The following GPC5 variants were observed in gnomAD, a reference collection of about 807,000 sequenced individuals.
GPC5 encodes glypican-5.
In GPC5, 47 loss-of-function variants were observed where a neutral mutation model predicts 53.9. The observed-to-expected ratio is 0.87, with a 90% CI of 0.69 to 1.11. GPC5 has a LOEUF of 1.11. GPC5 is among the 50% of genes most tolerant of loss of function. The pLI, the probability that GPC5 is intolerant of heterozygous loss-of-function variation, is 0.00. For missense variants in GPC5, 748 were observed against 713.1 expected (o/e 1.05, Z -0.56); for synonymous variants, 286 against 263.3 (o/e 1.09, Z -0.84).
At chr13:92,166,876 G>A (rs184345452) in intron 7 of GPC5, among the ~76,000 whole-genome samples, 4 of 150,576 alleles carry the variant, frequency 2.7e-5, no homozygotes, top group African/African-American at 9.8e-5. Context: ...GTTCTGTTGG[G>A]AATATTGCAG....
At chr13:92,570,303 A>G (rs1354472906) in intron 7 of GPC5, among the ~76,000 whole-genome samples, 7 of 152,174 alleles carry the variant, frequency 4.6e-5, no homozygotes, top group Non-Finnish European at 1.0e-4. Context: ...AACTGAAAAG[A>G]AAAAATTCAT....
chr13:92,509,270 C>T (rs1275104923), intron 7 of GPC5, among the ~76,000 whole-genome samples: 3 of 152,110 alleles, frequency 2.0e-5, no homozygotes, highest in Admixed American at 6.6e-5. Context: ...TCTGTCTGCT[C>T]TAAGGGGAAT....
chr13:91,673,643 C>T (rs563727370), intron 2 of GPC5, among the ~76,000 whole-genome samples: 6 of 152,106 alleles, frequency 3.9e-5, no homozygotes, highest in Non-Finnish European at 8.8e-5. Context: ...CACAGAGAAG[C>T]GTGCCCATTA....
chr13:91,959,778 C>T lies in GPC5; in HGVS notation c.1401+51721C>T, dbSNP rs116675260. Among the ~76,000 whole-genome samples the T allele has an allele frequency of 4.5e-3, 687 of 151,988 alleles. 8 individuals carry two copies. The highest frequency in any genetic ancestry group is 0.015 in the African/African-American group (641 of 41,486). ...AGATATCATGATTGAGTGGGATTTT[C>T]CCAGGGATGCAAGGATGGTTCAACA... On this transcript the variant is annotated intron_variant, in intron 6 of 7. Coordinates refer to ENST00000377067, the MANE Select transcript of GPC5 (RefSeq NM_004466.6).
intron 6 of GPC5, among the ~76,000 whole-genome samples, chr13:91,930,582 G>A (rs182332097): frequency 2.0e-4 from 30 of 151,214 alleles, no homozygotes; most frequent in African/African-American, 6.5e-4. Flanking sequence ...AGCCTTTTTT[G>A]TCCTACAAAA....
intron 7 of GPC5, among the ~76,000 whole-genome samples, chr13:92,614,957 G>C (rs1279922489): frequency 6.6e-6 from 1 of 152,146 alleles, no homozygotes; most frequent in East Asian, 1.9e-4. Context: ...TGAAACTTTT[G>C]TATAAGTTCC....
At chr13:92,370,662 G>A (rs2043642793) in intron 7 of GPC5, among the ~76,000 whole-genome samples, 1 of 151,996 alleles carries the variant, frequency 6.6e-6, no homozygotes, top group Non-Finnish European at 1.5e-5. Context: ...CTAGGGATTT[G>A]TTTAGATGTT....
Position 91,557,972 on chromosome 13 carries a change from C to G in GPC5, c.325+109050C>G, listed in dbSNP as rs548563845. On this transcript the variant is annotated intron_variant, in intron 2 of 7. Coordinates refer to ENST00000377067, the MANE Select transcript of GPC5 (RefSeq NM_004466.6). ...ATTGAGACAAGCTAAGTTTATTAAG[C>G]CTTTTGCAATAAGGAAAAACTCTGT... Among the ~76,000 whole-genome samples, 7 of 152,180 alleles carry G rather than the reference C, an allele frequency of 4.6e-5. No individual in the cohort carries two copies. In the East Asian group the frequency reaches 1.4e-3, roughly 29 times the overall value.
chr13:92,130,339 GAAA>G (rs57555250), intron 6 of GPC5, among the ~76,000 whole-genome samples: 759 of 136,634 alleles, frequency 5.6e-3, no homozygotes, highest in Non-Finnish European at 8.4e-3. Context: ...GATGTTAACT[GAAA>G]AAAAAAAAAA....
rs773121973 is a variant in GPC5, at chr13:91,777,486, C to T, written c.1280+21066C>T. 1.1e-4 allele frequency among the ~76,000 whole-genome samples: 17 copies of T among 152,176 alleles called. No homozygotes were observed. The East Asian group carries it at 1.5e-3, about 14-fold the overall frequency. ...CATGTAAATCCATGCTATGTGGAAA[C>T]GACAGAAGATTATAAAATAGCAGTG... On this transcript the variant is annotated intron_variant, in intron 5 of 7. Transcript: ENST00000377067.
intron 7 of GPC5, among the ~76,000 whole-genome samples, chr13:92,288,720 T>C (rs1473904418): frequency 6.6e-6 from 1 of 152,192 alleles, no homozygotes; most frequent in Non-Finnish European, 1.5e-5. Flanking sequence ...TCTTCTGTGA[T>C]ACCATTCTGC....
At chr13:92,448,097 A>G (rs1877907010) in intron 7 of GPC5, 1 of 152,160 alleles carries the variant, frequency 6.6e-6, no homozygotes, top group African/African-American at 2.4e-5. Flanking sequence ...AAAGGGAAAC[A>G]TTATTTGAGA....
rs532241968 is a variant in GPC5 at position 92,467,300 on chromosome 13, G to A, written c.1561+322311G>A. ...GGATAATGGGCAGAAATTCATGTCC[G>A]TCTTAAGAAAGTAAGTAAGCACAGG... On this transcript the variant is annotated intron_variant, in intron 7 of 7. Transcript: ENST00000377067. 1.1e-3 allele frequency among the ~76,000 whole-genome samples: 161 copies of A among 152,214 alleles called. 1 individual carries two copies. The highest frequency in any genetic ancestry group is 1.3e-3 in the Non-Finnish European group (86 of 67,974).
chr13:92,190,459 A>G (rs187714459), intron 7 of GPC5, among the ~76,000 whole-genome samples: 1 of 152,316 alleles, frequency 6.6e-6, no homozygotes, highest in East Asian at 1.9e-4. Flanking sequence ...GCAGTAATAC[A>G]TAATTTCTTC....
chr13:92,532,352 G>A (rs972600916), intron 7 of GPC5, among the ~76,000 whole-genome samples: 4 of 152,076 alleles, frequency 2.6e-5, no homozygotes, highest in African/African-American at 9.7e-5. Flanking sequence ...GTGAAAACAA[G>A]CTAATCTCAT....
chr13:92,691,433 GTGCGCACACACACTGGCC>G (rs1887391426), intron 7 of GPC5, among the ~76,000 whole-genome samples: 1 of 146,750 alleles, frequency 6.8e-6, no homozygotes, highest in Admixed American at 6.9e-5. Flanking sequence ...CTCGCGCACG[GTGCGCACACACACTGGCC>G]TGCGCCCACT....
At chr13:91,702,330 C>T (rs536752464) in intron 3 of GPC5, among the ~76,000 whole-genome samples, 16 of 152,160 alleles carry the variant, frequency 1.1e-4, no homozygotes, top group African/African-American at 3.6e-4. Flanking sequence ...CTCTTGTGGC[C>T]TGTACTTGTG....
chr13:91,944,943 C>A (rs555288661), intron 6 of GPC5, among the ~76,000 whole-genome samples: 1 of 152,200 alleles, frequency 6.6e-6, no homozygotes, highest in African/African-American at 2.4e-5. Flanking sequence ...AAATGATTTT[C>A]TTTTTCTGTA....
At chr13:92,800,542 C>G (rs1472688913) in intron 7 of GPC5, among the ~76,000 whole-genome samples, 1 of 151,806 alleles carries the variant, frequency 6.6e-6, no homozygotes, top group Non-Finnish European at 1.5e-5. Flanking sequence ...ACTAACGAAC[C>G]CTGTGAAAAT....
Sources: gnomAD v4.1 joint callset for allele counts (sites outside exome capture counted in the v4.1 genomes callset) on GRCh38, gnomAD v4.1.1 for gene constraint, MANE v1.5 for transcripts, NCBI Gene and HGNC (gene_info 2026-07-23, HGNC 2026-07-21) for gene names.